The following DHX8 variants were observed in gnomAD, a reference collection of about 807,000 sequenced individuals.
DHX8 encodes the protein ATP-dependent RNA helicase DHX8.
DHX8 carries 67 observed loss-of-function variants against 140.7 expected under a neutral mutation model. The observed-to-expected ratio is 0.48, with a 90% CI of 0.39 to 0.58. The LOEUF (loss-of-function observed/expected upper bound fraction) is 0.58, where lower values mean the gene tolerates loss of function less well. Ranked by LOEUF, DHX8 falls within the 20% of genes least tolerant of loss-of-function variation. The pLI, the probability that DHX8 is intolerant of heterozygous loss-of-function variation, is 0.00. For synonymous variants in DHX8, 533 were observed against 553.2 expected, an observed-to-expected ratio of 0.96 and a Z score of 0.51; for missense variants, 887 against 1,550.7, an observed-to-expected ratio of 0.57 and a Z score of 7.19.
intron 8 of DHX8, among the ~76,000 whole-genome samples, chr17:43,495,102 C>T (rs2154586439): frequency 6.6e-6 from 1 of 152,236 alleles, no homozygotes; most frequent in Non-Finnish European, 1.5e-5. Flanking sequence ...GCGTGAGCCA[C>T]TGTGCCCAGC....
At position 43,524,997 on chromosome 17, in the gene DHX8, C is replaced by G. The variant is rs772437741; in HGVS notation, c.*1150C>G. The stretch of plus-strand genomic sequence containing the variant: ...CCCATAGAGATGGGTTCCCACTGTG[C>G]TGCCCAGGCTGCTCTCCAATCCCTG... On this transcript the variant is annotated 3_prime_UTR_variant, in exon 23 of 23. Transcript: ENST00000262415. 3 of 984,564 alleles carry G rather than the reference C, an allele frequency of 3.0e-6. No homozygotes were observed. The highest frequency in any genetic ancestry group is 3.6e-6 in the Non-Finnish European group (3 of 829,476). 61.0% of individuals were successfully genotyped at this position (984,564 alleles called of 1,614,324 possible).
intron 17 of DHX8, 119 bp downstream of exon 17, chr17:43,513,621 C>T: frequency 2.1e-6 from 2 of 959,228 alleles, no homozygotes; most frequent in Non-Finnish European, 2.9e-6. Context: ...ATACTGGGTA[C>T]TATAATGACA....
intron 17 of DHX8, among the ~76,000 whole-genome samples, chr17:43,514,196 T>G (rs1016001310): frequency 2.1e-5 from 3 of 145,130 alleles, no homozygotes; most frequent in African/African-American, 7.8e-5. Flanking sequence ...TTAAAAAAAA[T>G]TAGCCTGGTA....
At chr17:43,521,759 A>T (rs1970385315) in intron 21 of DHX8, among the ~76,000 whole-genome samples, 194 bp downstream of exon 21, 1 of 152,130 alleles carries the variant, frequency 6.6e-6, no homozygotes, top group Admixed American at 6.5e-5. Flanking sequence ...ATTACCTCAG[A>T]TACCTAAGAG....
chr17:43,493,392 T>C, intron 6 of DHX8, 53 bp from the exon 7 acceptor site: 6 of 1,595,278 alleles, frequency 3.8e-6, no homozygotes, highest in South Asian at 2.2e-5. Flanking sequence ...TAGAAATTGG[T>C]TGGGGGAAAA....
At chr17:43,508,898 T>G (rs913875770) in intron 16 of DHX8, among the ~76,000 whole-genome samples, 2 of 152,004 alleles carry the variant, frequency 1.3e-5, no homozygotes, top group African/African-American at 4.8e-5. Flanking sequence ...GGATTATAGG[T>G]GTGAGCCACC....
At chr17:43,514,303 T>A (rs936701218) in intron 17 of DHX8, among the ~76,000 whole-genome samples, 1 of 152,106 alleles carries the variant, frequency 6.6e-6, no homozygotes, top group African/African-American at 2.4e-5. Flanking sequence ...TAAGATAGCA[T>A]CACTGCACTC....
chr17:43,523,501 T>TA, intron 22 of DHX8, 127 bp from the exon 23 acceptor site: 4 of 1,442,582 alleles, frequency 2.8e-6, no homozygotes, highest in South Asian at 1.4e-5. Flanking sequence ...ACTGCAGTCT[T>TA]ATAGGTGTCA....
At chr17:43,532,774 C>A (rs769112662) in intron 2 of DHX8, 31 of 1,614,016 alleles carry the variant, frequency 1.9e-5, no homozygotes, top group Non-Finnish European at 2.5e-5. Context: ...CTGGCTGGCC[C>A]GCCTGTTCAT....
In DHX8 at chr17:43,483,992, T is replaced by G. The variant is rs146439653; in HGVS notation, c.-46T>G. 1.9e-6 allele frequency: 3 copies of G among 1,610,810 alleles called. No homozygotes were observed. The highest frequency in any genetic ancestry group is 2.5e-6 in the Non-Finnish European group (3 of 1,178,078). On this transcript the variant is annotated 5_prime_UTR_variant, in exon 1 of 23. Transcript: ENST00000262415. ...AAAGCTGGAACCCGGCCGGAGTAGC[T>G]CTGAGCGCCGGCTGTGAGGAAGGAG... is the stretch of plus-strand genomic sequence containing the variant.
At chr17:43,529,148 C>T (rs138305357), downstream of DHX8, 2 of 1,613,914 alleles carry the variant, frequency 1.2e-6, no homozygotes, top group Non-Finnish European at 1.7e-6. Flanking sequence ...CTGCATGATG[C>T]CTTTCTCATA....
chr17:43,491,626 A>G (rs945302553), intron 4 of DHX8, among the ~76,000 whole-genome samples: 4 of 151,936 alleles, frequency 2.6e-5, no homozygotes, highest in African/African-American at 9.7e-5. Context: ...TACTTACTGT[A>G]TGCCAAACAC....
At chr17:43,513,677 C>G (rs1277623738) in intron 17 of DHX8, among the ~76,000 whole-genome samples, 175 bp downstream of exon 17, 1 of 148,706 alleles carries the variant, frequency 6.7e-6, no homozygotes, top group African/African-American at 2.5e-5. Flanking sequence ...TTTTTTATCC[C>G]TGAAGTCTGA....
intron 11 of DHX8, among the ~76,000 whole-genome samples, chr17:43,504,109 A>G (rs542695644): frequency 7.9e-5 from 12 of 152,028 alleles, no homozygotes; most frequent in Non-Finnish European, 1.6e-4. Context: ...AAAGTGTAAC[A>G]TGGTTTGTGA....
chr17:43,512,825 C>T (rs1028500126), intron 16 of DHX8, among the ~76,000 whole-genome samples: 1 of 152,194 alleles, frequency 6.6e-6, no homozygotes, highest in African/African-American at 2.4e-5. Flanking sequence ...GACTGCTACA[C>T]ACACGCAAAC....
chr17:43,494,495 G>GC (rs1968730021), intron 8 of DHX8, among the ~76,000 whole-genome samples: 2 of 152,118 alleles, frequency 1.3e-5, no homozygotes, highest in South Asian at 4.1e-4. Context: ...GCTGAGGCGG[G>GC]CGGGTCACGA....
At chr17:43,508,228 A>T in intron 15 of DHX8, 111 bp from the exon 16 acceptor site, 2 of 1,406,604 alleles carry the variant, frequency 1.4e-6, no homozygotes, top group Non-Finnish European at 9.6e-7. Context: ...ACTGGTCAGA[A>T]TATGAATGCA....
intron 17 of DHX8, among the ~76,000 whole-genome samples, chr17:43,514,631 T>A (rs1970017343): frequency 6.6e-6 from 1 of 152,234 alleles, no homozygotes; most frequent in South Asian, 2.1e-4. Context: ...TGTTCATCTC[T>A]TTAACCTAAC....
intron 20 of DHX8, 41 bp downstream of exon 20, chr17:43,520,920 A>G: frequency 6.5e-7 from 1 of 1,536,662 alleles, no homozygotes; most frequent in South Asian, 1.2e-5. Context: ...GGTGCCATGA[A>G]GTTGGGGTAG....
Sources: allele counts gnomAD v4.1 joint callset (sites outside exome capture counted in the v4.1 genomes callset), GRCh38; gene constraint gnomAD v4.1.1; transcripts MANE v1.5; gene names NCBI Gene and HGNC (gene_info 2026-07-23, HGNC 2026-07-21).